Variants in RBM26 observed in about 807,000 individuals in gnomAD.
The protein encoded by RBM26 is RNA binding motif protein 26, also known as RNA-binding protein 26.
In RBM26, 30 loss-of-function variants were observed where a neutral mutation model predicts 123.6. That is an observed-to-expected ratio of 0.24 (90% CI 0.18 to 0.33). The LOEUF is 0.33. RBM26 is among the 10% of genes least tolerant of loss of function. The pLI, the probability that RBM26 is intolerant of heterozygous loss-of-function variation, is 1.00. For missense variants in RBM26, 947 were observed against 1,203.6 expected (o/e 0.79, Z 3.15); for synonymous variants, 400 against 404.4 (o/e 0.99, Z 0.13).
chr13:79,338,458 T>C (rs1404437981), intron 18 of RBM26, among the ~76,000 whole-genome samples: 5 of 151,948 alleles, frequency 3.3e-5, no homozygotes, highest in African/African-American at 1.2e-4. Flanking sequence ...AAGGCAAGAA[T>C]GAGGTAGGGG....
intron 17 of RBM26, among the ~76,000 whole-genome samples, chr13:79,341,793 T>C (rs765302174): frequency 9.2e-5 from 14 of 151,748 alleles, no homozygotes; most frequent in East Asian, 7.7e-4. Flanking sequence ...TCTGCAAGAA[T>C]TGGGGCCAGG....
At chr13:79,346,184 G>A (rs1007430751) in intron 14 of RBM26, among the ~76,000 whole-genome samples, 5 of 152,296 alleles carry the variant, frequency 3.3e-5, no homozygotes, top group South Asian at 2.1e-4. Context: ...GTAGCAATCT[G>A]AAGACTACTT....
chr13:79,384,856 A>C (rs1347874343), intron 1 of RBM26, among the ~76,000 whole-genome samples: 2 of 152,226 alleles, frequency 1.3e-5, no homozygotes. Context: ...TTTTCAAAAC[A>C]GTAATGAGAC....
intron 3 of RBM26, among the ~76,000 whole-genome samples, chr13:79,374,371 G>A (rs968707852): frequency 2.6e-5 from 4 of 152,024 alleles, no homozygotes; most frequent in Non-Finnish European, 2.9e-5. Flanking sequence ...GATTACAGGA[G>A]GGATACTTGG....
chr13:79,366,887 T>G lies in RBM26; in HGVS notation c.896-15A>C. The G allele has an allele frequency of 6.4e-7, 1 of 1,566,364 alleles. No individual in the cohort carries two copies. Among genetic ancestry groups the G allele is most frequent in the South Asian group, 1.2e-5 (1 of 85,092 alleles). On this transcript the variant is annotated splice_polypyrimidine_tract_variant and intron_variant, in intron 6 of 21. Transcript: ENST00000438737. Reference sequence around the variant, plus strand: ...AAAACCCTTTTCTATGAGGAAGGAATAGTTAGAAACAAATGTCAAAAGCAC... The same window carrying G: ...AAAACCCTTTTCTATGAGGAAGGAAGAGTTAGAAACAAATGTCAAAAGCAC...
intron 1 of RBM26, among the ~76,000 whole-genome samples, chr13:79,388,273 T>C (rs1204276043): frequency 6.6e-6 from 1 of 152,204 alleles, no homozygotes; most frequent in Non-Finnish European, 1.5e-5. Context: ...TTTTTGTATT[T>C]TAAGTAGAGA....
At chr13:79,380,520 T>C (rs2076997784) in intron 1 of RBM26, among the ~76,000 whole-genome samples, 1 of 151,810 alleles carries the variant, frequency 6.6e-6, no homozygotes, top group Admixed American at 6.6e-5. Context: ...CACATAATAA[T>C]TGTATGTATT....
intron 1 of RBM26, among the ~76,000 whole-genome samples, chr13:79,383,386 C>T (rs1041935065): frequency 6.6e-5 from 10 of 152,034 alleles, no homozygotes; most frequent in Admixed American, 3.3e-4. Flanking sequence ...ATAAAATACA[C>T]ACTACAAAAG....
In RBM26 at chr13:79,378,923, A is replaced by T; in HGVS notation, c.72-16T>A. On this transcript the variant is annotated splice_polypyrimidine_tract_variant and intron_variant, in intron 1 of 21. Coordinates refer to ENST00000438737, the MANE Select transcript of RBM26 (RefSeq NM_001366735.2). ...TGCATCACAGCTAAAGAAAAAAACC[A>T]ATGTTGAAGAAAATTTAGCCAACTG... 6.7e-7 allele frequency: 1 copy of T among 1,495,414 alleles called. No homozygotes were observed. Among genetic ancestry groups the T allele is most frequent in the Non-Finnish European group, 9.2e-7 (1 of 1,086,564 alleles). The allele number at this position is 1,495,414 out of a possible 1,614,324, so 92.6% of individuals were successfully genotyped here.
At chr13:79,365,438 G>A (rs1211580137) in intron 9 of RBM26, 140 bp downstream of exon 9, 4 of 698,276 alleles carry the variant, frequency 5.7e-6, no homozygotes, top group African/African-American at 1.8e-5. Context: ...GTGAGACTCT[G>A]TCTCCAAAAA....
At chr13:79,336,986 G>T in intron 19 of RBM26, 116 bp downstream of exon 19, 1 of 941,104 alleles carries the variant, frequency 1.1e-6, no homozygotes, top group Non-Finnish European at 1.6e-6. Context: ...TAAACTCTTT[G>T]TTCAGATTAA....
chr13:79,397,175 T>C (rs1197614103), intron 1 of RBM26, among the ~76,000 whole-genome samples: 1 of 151,716 alleles, frequency 6.6e-6, no homozygotes, highest in Non-Finnish European at 1.5e-5. Flanking sequence ...AATAAGACTC[T>C]GTCTCAAAAA....
In RBM26 at chr13:79,406,037, C is replaced by G. The variant is rs1594812649; in HGVS notation, c.-263G>C. On this transcript the variant is annotated 5_prime_UTR_variant, in exon 1 of 22. Transcript: ENST00000438737. ...GCAACGGTTTGCCCGGGCCCTCCCC[C>G]TTCCCTCTTCCCCAGCAAATCTACC... 3.5e-6 allele frequency: 1 copy of G among 284,242 alleles called. No individual in the cohort carries two copies. Among genetic ancestry groups the G allele is most frequent in the East Asian group, 6.2e-5 (1 of 16,240 alleles). 17.6% of individuals were successfully genotyped at this position (284,242 alleles called of 1,614,324 possible). A position where few individuals can be genotyped will look rare whatever the true frequency, so the allele number is the denominator to read the frequency against.
chr13:79,344,028 T>C (rs1329382817), intron 16 of RBM26, among the ~76,000 whole-genome samples: 1 of 152,024 alleles, frequency 6.6e-6, no homozygotes, highest in Non-Finnish European at 1.5e-5. Flanking sequence ...CACAACTGAA[T>C]GAACACCTTA....
chr13:79,347,027 A>G (rs1430435507), intron 14 of RBM26, among the ~76,000 whole-genome samples: 1 of 152,236 alleles, frequency 6.6e-6, no homozygotes, highest in Non-Finnish European at 1.5e-5. Context: ...ACAAACCCAT[A>G]TAATTTATTT....
At chr13:79,331,072 A>G (rs1053180933) in intron 20 of RBM26, among the ~76,000 whole-genome samples, 33 of 152,176 alleles carry the variant, frequency 2.2e-4, no homozygotes, top group African/African-American at 7.9e-4. Context: ...GCACAGTGGC[A>G]TGATCTCAGC....
chr13:79,366,628 C>T lies in RBM26; in HGVS notation c.1135+5G>A. On this transcript the variant is annotated splice_donor_5th_base_variant and intron_variant, in intron 7 of 21. Coordinates refer to ENST00000438737, the MANE Select transcript of RBM26 (RefSeq NM_001366735.2). ...AAATACAGGGAAACAAACAGATTTACTTACCTGTAACAGGTGGGAGACTGG... is the reference window on the plus strand; with the variant it reads ...AAATACAGGGAAACAAACAGATTTATTTACCTGTAACAGGTGGGAGACTGG... The T allele has an allele frequency of 6.6e-7, 1 of 1,525,564 alleles. No individual in the cohort carries two copies. The highest frequency in any genetic ancestry group is 8.8e-7 in the Non-Finnish European group (1 of 1,136,778). 94.5% of individuals were successfully genotyped at this position (1,525,564 alleles called of 1,614,324 possible).
intron 20 of RBM26, among the ~76,000 whole-genome samples, chr13:79,332,179 ATTG>A (rs2138775092): frequency 6.6e-6 from 1 of 152,316 alleles, no homozygotes; most frequent in Non-Finnish European, 1.5e-5. Flanking sequence ...GACAGTAAAC[ATTG>A]GCAAGGGCTG....
intron 18 of RBM26, among the ~76,000 whole-genome samples, chr13:79,340,522 CA>C (rs1174153691): frequency 6.6e-6 from 1 of 151,988 alleles, no homozygotes; most frequent in Non-Finnish European, 1.5e-5. Context: ...ATGTCTATTT[CA>C]AAATACAGTT....
Sources: allele counts gnomAD v4.1 joint callset (sites outside exome capture counted in the v4.1 genomes callset), GRCh38; gene constraint gnomAD v4.1.1; transcripts MANE v1.5; gene names NCBI Gene and HGNC (gene_info 2026-07-23, HGNC 2026-07-21).